The following DLC1 variants were observed in gnomAD, a reference collection of about 807,000 sequenced individuals.
DLC1 encodes DLC1 Rho GTPase activating protein, also known as rho GTPase-activating protein 7.
DLC1 carries 54 observed loss-of-function variants against 140.3 expected under a neutral mutation model. That is an observed-to-expected ratio of 0.38 (90% confidence interval 0.31 to 0.48). DLC1 has a LOEUF of 0.48. DLC1 is among the 20% of genes least tolerant of loss of function. The pLI is 0.96. For missense variants in DLC1, 2,536 were observed against 1,907.0 expected (o/e 1.33, Z -6.14); for synonymous variants, 986 against 728.1 (o/e 1.35, Z -5.70).
Position 13,218,020 on chromosome 8 carries a change from T to C in DLC1, c.1348+87249A>G, listed in dbSNP as rs1828292811. Among the ~76,000 whole-genome samples the C allele has an allele frequency of 2.0e-5, 3 of 152,240 alleles. No homozygotes were observed. The South Asian group carries it at 6.2e-4, about 32-fold the overall frequency. ...ACAGAAGCCAGTCCCCTCCCTTGAA[T>C]GGAGTCCTCTCTACTTGTAGAAATA... is the stretch of plus-strand genomic sequence containing the variant. On this transcript the variant is annotated intron_variant, in intron 5 of 17. Transcript: ENST00000276297.
chr8:13,094,320 A>G (rs1471066421), intron 12 of DLC1, among the ~76,000 whole-genome samples: 1 of 152,236 alleles, frequency 6.6e-6, no homozygotes, highest in Non-Finnish European at 1.5e-5. Flanking sequence ...GCAAGGAAGA[A>G]GGTGATGACA....
At chr8:13,358,102 G>C (rs1351236674) in intron 4 of DLC1, among the ~76,000 whole-genome samples, 2 of 152,110 alleles carry the variant, frequency 1.3e-5, no homozygotes, top group Non-Finnish European at 2.9e-5. Context: ...GGCTAATCCT[G>C]CTATTCTGTT....
Position 13,210,417 on chromosome 8 carries a change from A to G in DLC1, c.1349-94760T>C, listed in dbSNP as rs147862294. On this transcript the variant is annotated intron_variant, in intron 5 of 17. Coordinates refer to ENST00000276297, the MANE Select transcript of DLC1 (RefSeq NM_182643.3). ...TTTACTGGAGGCATTGTCATTGTCA[A>G]TGTCAATGTCAACAAACTTTTATTG... is the stretch of plus-strand genomic sequence containing the variant. Among the ~76,000 whole-genome samples the G allele has an allele frequency of 3.3e-3, 504 of 152,312 alleles. 9 individuals carry two copies. Among genetic ancestry groups the G allele is most frequent in the African/African-American group, 0.012 (491 of 41,586 alleles).
chr8:13,494,079 T>C (rs1801386367), intron 2 of DLC1, among the ~76,000 whole-genome samples: 2 of 152,210 alleles, frequency 1.3e-5, no homozygotes, highest in African/African-American at 4.8e-5. Flanking sequence ...CATCACTTAA[T>C]ATATCAAATA....
chr8:13,278,827 G>A (rs189580755), intron 5 of DLC1, among the ~76,000 whole-genome samples: 181 of 152,256 alleles, frequency 1.2e-3, no homozygotes, highest in African/African-American at 3.0e-3. Flanking sequence ...TGATAAAGTC[G>A]TCTAGTGTTG....
At chr8:13,214,913 T>C (rs988939647) in intron 5 of DLC1, 6 of 647,668 alleles carry the variant, frequency 9.3e-6, no homozygotes, top group African/African-American at 5.4e-5. Context: ...GAATAAGATA[T>C]TGTCAAACTC....
At chr8:13,379,618 C>T (rs1421365908) in intron 4 of DLC1, among the ~76,000 whole-genome samples, 1 of 152,202 alleles carries the variant, frequency 6.6e-6, no homozygotes, top group Non-Finnish European at 1.5e-5. Context: ...ACCCTCTTTA[C>T]TTATTGCTGA....
At chr8:13,322,121 A>T (rs1475392955) in intron 4 of DLC1, among the ~76,000 whole-genome samples, 2 of 152,174 alleles carry the variant, frequency 1.3e-5, no homozygotes, top group African/African-American at 2.4e-5. Context: ...ATTTTCCTTC[A>T]TAACAAGAAA....
intron 2 of DLC1, among the ~76,000 whole-genome samples, chr8:13,454,120 T>C (rs1799281119): frequency 6.6e-6 from 1 of 152,152 alleles, no homozygotes; most frequent in Non-Finnish European, 1.5e-5. Context: ...GAATTATTTT[T>C]TGGACTACGT....
chr8:13,312,552 T>C (rs1832719802), intron 4 of DLC1, among the ~76,000 whole-genome samples: 2 of 151,888 alleles, frequency 1.3e-5, no homozygotes, highest in African/African-American at 2.4e-5. Flanking sequence ...TATATTTTCA[T>C]CTTATAAATC....
chr8:13,321,000 G>C lies in DLC1; in HGVS notation c.1315-15698C>G, dbSNP rs542331135. Reference sequence around the variant, plus strand: ...GAGCCTGAGGCCCTTACCAGATGCAGATGCCAGCACCATGCTTCTTGTACA... The same window carrying C: ...GAGCCTGAGGCCCTTACCAGATGCACATGCCAGCACCATGCTTCTTGTACA... On this transcript the variant is annotated intron_variant, in intron 4 of 17. Transcript: ENST00000276297. 3.3e-4 allele frequency among the ~76,000 whole-genome samples: 50 copies of C among 152,278 alleles called. 1 individual carries two copies. The highest frequency in any genetic ancestry group is 1.2e-3 in the African/African-American group (49 of 41,562).
chr8:13,345,376 A>G (rs1216093040), intron 4 of DLC1, among the ~76,000 whole-genome samples: 1 of 152,074 alleles, frequency 6.6e-6, no homozygotes. Context: ...GTGAGCGTAA[A>G]GAAAATGATT....
rs2128936744 is a variant in DLC1, at chr8:13,099,786, G to T, written c.2551C>A (p.Leu851Ile). The change falls in exon 9 of 18, where the codon CTC becomes ATC. Residue 851 changes from leucine (L) to isoleucine (I), a missense_variant. By Grantham distance (5) the Leu-to-Ile change is conservative. Transcript: ENST00000276297. ...GSFHGPGHISLRRENSSDSPK... is the reference protein window; with the variant it reads ...GSFHGPGHISIRRENSSDSPK... ...CTGTCGCTACTGTTTTCCCTCCTGA[G>T]GCTGATGTGGCCAGGGCCGTGGAAG... 2 of 1,614,140 alleles carry T rather than the reference G, an allele frequency of 1.2e-6. No individual in the cohort carries two copies. The highest frequency in any genetic ancestry group is 1.7e-6 in the Non-Finnish European group (2 of 1,180,028).
intron 5 of DLC1, among the ~76,000 whole-genome samples, chr8:13,207,416 T>C (rs1205661558): frequency 6.6e-6 from 1 of 152,194 alleles, no homozygotes; most frequent in East Asian, 1.9e-4. Context: ...TTCACGGCTT[T>C]TAAAATCAAG....
intron 5 of DLC1, among the ~76,000 whole-genome samples, chr8:13,212,341 T>C (rs1168424083): frequency 6.6e-6 from 1 of 152,180 alleles, no homozygotes; most frequent in African/African-American, 2.4e-5. Context: ...AATGGCACAC[T>C]GCTTTTGTTT....
At chr8:13,095,306 T>A in intron 10 of DLC1, 61 bp from the exon 11 acceptor site, 1 of 1,603,454 alleles carries the variant, frequency 6.2e-7, no homozygotes, top group Middle Eastern at 1.7e-4. Flanking sequence ...CTGTCTACAC[T>A]TGTCCAATTC....
At position 13,582,424 on chromosome 8, in the gene DLC1, A is replaced by G. The variant is rs375049786; in HGVS notation, c.-126+22113T>C. 3.9e-5 allele frequency among the ~76,000 whole-genome samples: 6 copies of G among 152,184 alleles called. No individual in the cohort carries two copies. In the East Asian group the frequency reaches 1.2e-3, roughly 29 times the overall value. On this transcript the variant is annotated intron_variant, in intron 1 of 1. Coordinates refer to the DLC1 transcript ENST00000631382. ...AACATTTGAGTCAGTGGACTGGGGA[A>G]GGCAGACCCAAACTTAATCTGAATG...
rs370372553 is a variant in DLC1, at chr8:13,454,697, G to A, written c.1023+44352C>T. ...AGCTGGCCAAGTAGCTGGAACTATA[G>A]GTATGAGTCACCATGCCTAGCTAAT... On this transcript the variant is annotated intron_variant, in intron 2 of 17. Transcript: ENST00000276297. Among the ~76,000 whole-genome samples, 10 of 152,214 alleles carry A rather than the reference G, an allele frequency of 6.6e-5. 1 individual carries two copies. The highest frequency in any genetic ancestry group is 2.2e-4 in the African/African-American group (9 of 41,548).
At chr8:13,229,175 A>G (rs1201567799) in intron 5 of DLC1, among the ~76,000 whole-genome samples, 1 of 152,218 alleles carries the variant, frequency 6.6e-6, no homozygotes, top group Non-Finnish European at 1.5e-5. Flanking sequence ...AGAGGCAACA[A>G]TCCAAATGTC....
Sources: allele counts gnomAD v4.1 joint callset (sites outside exome capture counted in the v4.1 genomes callset), GRCh38; gene constraint gnomAD v4.1.1; transcripts MANE v1.5; gene names NCBI Gene and HGNC (gene_info 2026-07-23, HGNC 2026-07-21).